The following KLK10 variants were observed in gnomAD, a reference collection of about 807,000 sequenced individuals.
KLK10 encodes kallikrein related peptidase 10, also known as kallikrein-10.
In KLK10, 27 loss-of-function variants were observed where a neutral mutation model predicts 25.7. That is an observed-to-expected ratio of 1.05 (90% confidence interval 0.77 to 1.45). KLK10 has a LOEUF of 1.45. Ranked by LOEUF, KLK10 falls within the 40% of genes most tolerant of loss-of-function variation. KLK10 has a pLI of 0.00. For missense variants in KLK10, 386 were observed against 370.0 expected (o/e 1.04, Z -0.35); for synonymous variants, 173 against 160.1 (o/e 1.08, Z -0.61).
At position 51,017,262 on chromosome 19, in the gene KLK10, G is replaced by T; in HGVS notation, c.117C>A (p.Asn39Lys). 4 of 1,608,702 alleles carry T rather than the reference G, an allele frequency of 2.5e-6. No homozygotes were observed. Among genetic ancestry groups the T allele is most frequent in the African/African-American group, 1.3e-5 (1 of 74,812 alleles). ...AGGCTTCGGGGTCCAAGCGCGTGTC[G>T]TTTTGGGGGAGCAGCGCCGCCTCTG... ...WAAEAALLPQ[N>K]DTRLDPEAYG... Residue 39 changes from asparagine to lysine, a missense_variant, in exon 3 of 6, where the codon AAC becomes AAA. Asn to Lys is a moderately conservative substitution (Grantham distance 94). Coordinates refer to ENST00000358789, the MANE Select transcript of KLK10 (RefSeq NM_145888.3).
intron 2 of KLK10, 175 bp from the exon 3 acceptor site, chr19:51,017,465 G>A (rs1333184250): frequency 4.8e-6 from 3 of 622,956 alleles, no homozygotes; most frequent in Admixed American, 3.1e-5. Context: ...AGGAGAAGAA[G>A]CGCGTGAAAG....
Position 51,015,588 on chromosome 19 carries a change from C to T in KLK10, c.545-38G>A, listed in dbSNP as rs571227911. 21 of 1,604,312 alleles carry T rather than the reference C, an allele frequency of 1.3e-5. No homozygotes were observed. In the South Asian group the frequency reaches 1.4e-4, roughly 11 times the overall value. On this transcript the variant is annotated intron_variant, in intron 4 of 5. Coordinates refer to ENST00000358789, the MANE Select transcript of KLK10 (RefSeq NM_145888.3). ...TATGCCAGTAATCCCTGGGTCCAGCCCCCAATCCTTGGGGAGCCAGGAGTC... is the reference window on the plus strand; with the variant it reads ...TATGCCAGTAATCCCTGGGTCCAGCTCCCAATCCTTGGGGAGCCAGGAGTC...
At position 51,015,474 on chromosome 19, in the gene KLK10, G is replaced by A. The variant is rs61752340; in HGVS notation, c.621C>T (p.Gly207=). The change falls in exon 5 of 6, where the codon GGC becomes GGT. Residue 207 remains glycine (G), a synonymous_variant. Coordinates refer to ENST00000358789, the MANE Select transcript of KLK10 (RefSeq NM_145888.3). ...CACATATCATGTTGTTGGTGACCAC[G>A]CCAGGGTAGAAGACCTCACACTCTT... ...SPKECEVFYP[G]VVTNNMICAG... 1,803 of 1,613,824 alleles carry A rather than the reference G, an allele frequency of 1.1e-3. 2 individuals carry two copies. Among genetic ancestry groups the A allele is most frequent in the Non-Finnish European group, 1.4e-3 (1,662 of 1,179,874 alleles).
At chr19:51,015,336 C>A in intron 5 of KLK10, 81 bp downstream of exon 5, 1 of 1,490,542 alleles carries the variant, frequency 6.7e-7, no homozygotes, top group Non-Finnish European at 9.2e-7. Context: ...AGTTGGGGAT[C>A]GGGCACAGGG....
In KLK10 at chr19:51,014,752, GA is replaced by G. The variant is rs2122405092; in HGVS notation, c.*47del. On this transcript the variant is annotated 3_prime_UTR_variant, in exon 6 of 6. Transcript: ENST00000358789. ...GGACGATGGAGCCTCTGGGCATCTG[GA>G]TCAGCAGGAGCATAACATCTGGATC... The G allele has an allele frequency of 6.3e-7, 1 of 1,593,420 alleles. No individual in the cohort carries two copies. Among genetic ancestry groups the G allele is most frequent in the Non-Finnish European group, 8.6e-7 (1 of 1,165,408 alleles).
In KLK10 at chr19:51,014,856, A is replaced by G. The variant is rs140908390; in HGVS notation, c.775T>C (p.Tyr259His). Residue 259 changes from tyrosine (Y) to histidine (H), a missense_variant, in exon 6 of 6, where the codon TAC becomes CAC. Physicochemically the swap from Tyr to His is moderately conservative, Grantham distance 83. Transcript: ENST00000358789. ...PCGSAQHPAV[Y>H]TQICKYMSWI... ...GACATGTATTTGCAGATCTGGGTGT[A>G]GACAGCTGGATGCTGGGCAGAGCCA... 6.0e-5 allele frequency: 97 copies of G among 1,614,134 alleles called. No individual in the cohort carries two copies. In the African/African-American group the frequency reaches 1.2e-3, roughly 21 times the overall value.
At chr19:51,017,661 AG>A (rs1234845989) in intron 2 of KLK10, among the ~76,000 whole-genome samples, 5 of 149,188 alleles carry the variant, frequency 3.4e-5, no homozygotes, top group Non-Finnish European at 7.4e-5. Context: ...GGGGAGAGGA[AG>A]GGGTGTGAAT....
In KLK10 at chr19:51,015,567, C is replaced by T; in HGVS notation, c.545-17G>A. ...TGTACTTCACTGAAGGGAGAATATG[C>T]CAGTAATCCCTGGGTCCAGCCCCCA... On this transcript the variant is annotated splice_polypyrimidine_tract_variant and intron_variant, in intron 4 of 5. Coordinates refer to ENST00000358789, the MANE Select transcript of KLK10 (RefSeq NM_145888.3). The T allele has an allele frequency of 6.2e-7, 1 of 1,611,808 alleles. No homozygotes were observed.
At position 51,015,985 on chromosome 19, in the gene KLK10, T is replaced by G; in HGVS notation, c.441A>C (p.Val147=). 1 of 1,572,752 alleles carries G rather than the reference T, an allele frequency of 6.4e-7. No homozygotes were observed. The highest frequency in any genetic ancestry group is 8.6e-7 in the Non-Finnish European group (1 of 1,159,238). ...DLMLLKLARP[V]VLGPRVRALQ... ...GGGCCCGGACGCGGGGCCCCAGCAC[T>G]ACGGGCCTGGCCAGCTTCAGCAACA... The change falls in exon 4 of 6, where the codon GTA becomes GTC. Residue 147 remains valine, a synonymous_variant. Coordinates refer to ENST00000358789, the MANE Select transcript of KLK10 (RefSeq NM_145888.3).
At position 51,019,274 on chromosome 19, in the gene KLK10, G is replaced by A; in HGVS notation, c.-9-135C>T. 2 of 588,722 alleles carry A rather than the reference G, an allele frequency of 3.4e-6. No homozygotes were observed. Among genetic ancestry groups the A allele is most frequent in the South Asian group, 2.1e-5 (1 of 48,282 alleles). The allele number at this position is 588,722 out of a possible 1,614,324, so 36.5% of individuals were successfully genotyped here. On this transcript the variant is annotated intron_variant, in intron 1 of 5. Coordinates refer to ENST00000358789, the MANE Select transcript of KLK10 (RefSeq NM_145888.3). The surrounding 1 kb of genome is among the most constrained non-coding windows in gnomAD (Gnocchi z 4.2). ...TGACCTGCAGCCGATAACCCCAGGGGCTGGCAGACGGGAGATTCGGGCTGG... is the reference window on the plus strand; with the variant it reads ...TGACCTGCAGCCGATAACCCCAGGGACTGGCAGACGGGAGATTCGGGCTGG...
intron 3 of KLK10, 68 bp from the exon 4 acceptor site, chr19:51,016,224 C>T (rs12981039): frequency 1.2e-5 from 17 of 1,464,658 alleles, no homozygotes; most frequent in East Asian, 2.5e-5. Flanking sequence ...TGGGCAGTGA[C>T]GCAGGGCCTG....
In KLK10 at chr19:51,015,593, A is replaced by G. The variant is rs200642382; in HGVS notation, c.545-43T>C. 1.6e-5 allele frequency: 26 copies of G among 1,599,264 alleles called. No individual in the cohort carries two copies. In the African/African-American group the frequency reaches 2.1e-4, roughly 13 times the overall value. ...CAGTAATCCCTGGGTCCAGCCCCCA[A>G]TCCTTGGGGAGCCAGGAGTCCAGAT... On this transcript the variant is annotated intron_variant, in intron 4 of 5. Coordinates refer to ENST00000358789, the MANE Select transcript of KLK10 (RefSeq NM_145888.3).
chr19:51,015,956 T>G lies in KLK10; in HGVS notation c.470A>C (p.Gln157Pro), dbSNP rs1484561088. 1 of 1,588,836 alleles carries G rather than the reference T, an allele frequency of 6.3e-7. No homozygotes were observed. Among genetic ancestry groups the G allele is most frequent in the East Asian group, 2.3e-5 (1 of 44,028 alleles). The change falls in exon 4 of 6, where the codon CAG becomes CCG. Residue 157 changes from glutamine to proline, a missense_variant. Transcript: ENST00000358789. ...VVLGPRVRAL[Q>P]LPYRCAQPGD... ...GGGCTGAGCACAGCGGTAGGGAAGC[T>G]GCAGGGCCCGGACGCGGGGCCCCAG... is the stretch of plus-strand genomic sequence containing the variant.
rs1325423972 is a variant in KLK10 at position 51,016,869 on chromosome 19, ACCT to A, written c.269+238_269+240del. The stretch of plus-strand genomic sequence containing the variant: ...TGGCTTCTATCCGTTGCAGGCAACC[ACCT>A]CCTCCTAGAGCTCAAGGAGAATCAG... On this transcript the variant is annotated intron_variant, in intron 3 of 5. Coordinates refer to ENST00000358789, the MANE Select transcript of KLK10 (RefSeq NM_145888.3). 2.6e-5 allele frequency among the ~76,000 whole-genome samples: 4 copies of A among 151,666 alleles called. No individual in the cohort carries two copies. In the East Asian group the frequency reaches 5.9e-4, roughly 22 times the overall value.
chr19:51,017,528 G>A (rs905984538), intron 2 of KLK10, among the ~76,000 whole-genome samples: 1 of 152,010 alleles, frequency 6.6e-6, no homozygotes, highest in Non-Finnish European at 1.5e-5. Context: ...AATAGGGTGG[G>A]TCTGGAGGGC....
At position 51,014,727 on chromosome 19, in the gene KLK10, G is replaced by A; in HGVS notation, c.*73C>T. On this transcript the variant is annotated 3_prime_UTR_variant, in exon 6 of 6. Transcript: ENST00000358789. ...TCAGCCGACTGGGGAGGAAGAGGAT[G>A]GACGATGGAGCCTCTGGGCATCTGG... 4.6e-6 allele frequency: 7 copies of A among 1,507,430 alleles called. No individual in the cohort carries two copies. Among genetic ancestry groups the A allele is most frequent in the Admixed American group, 1.7e-5 (1 of 58,202 alleles). The allele number at this position is 1,507,430 out of a possible 1,614,324, so 93.4% of individuals were successfully genotyped here. A position where few individuals can be genotyped will look rare whatever the true frequency, so the allele number is the denominator to read the frequency against.
chr19:51,015,691 C>A, intron 4 of KLK10, 141 bp from the exon 5 acceptor site: 1 of 1,149,786 alleles, frequency 8.7e-7, no homozygotes, highest in Non-Finnish European at 1.2e-6. Context: ...AGCCCCTCCC[C>A]ACTTAGACCC....
chr19:51,017,634 GA>G (rs2091347768), intron 2 of KLK10, among the ~76,000 whole-genome samples: 1 of 151,054 alleles, frequency 6.6e-6, no homozygotes, highest in Non-Finnish European at 1.5e-5. Flanking sequence ...AGGGTGCGGG[GA>G]TAGAACTCGG....
Position 51,015,543 on chromosome 19 carries a change from G to C in KLK10, c.552C>G (p.Tyr184Ter). 1 of 1,613,726 alleles carries C rather than the reference G, an allele frequency of 6.2e-7. No individual in the cohort carries two copies. ...WGTTAARRVK[Y>*]NKGLTCSSIT... ...TGCTGGAGCAGGTCAGGCCCTTGTT[G>C]TACTTCACTGAAGGGAGAATATGCC... The change falls in exon 5 of 6, where the codon TAC becomes TAG. Residue 184 changes from tyrosine to a stop codon, truncating the protein, a stop_gained. Coordinates refer to ENST00000358789, the MANE Select transcript of KLK10 (RefSeq NM_145888.3). LOFTEE classifies it high-confidence loss of function.
Sources: allele counts gnomAD v4.1 joint callset (sites outside exome capture counted in the v4.1 genomes callset), GRCh38; gene constraint gnomAD v4.1.1; non-coding constraint Gnocchi (gnomAD v3.1); transcripts MANE v1.5; gene names NCBI Gene and HGNC (gene_info 2026-07-23, HGNC 2026-07-21).